PLPP1: variants seen among roughly 807,000 people sequenced by gnomAD.
PLPP1 encodes lipid phosphate phosphohydrolase 1a.
A neutral mutation model predicts 31.2 loss-of-function variants in PLPP1; 24 were observed. That is an observed-to-expected ratio of 0.77 (90% CI 0.56 to 1.08). The LOEUF (loss-of-function observed/expected upper bound fraction) is 1.08, where lower values mean the gene tolerates loss of function less well. Ranked by LOEUF, PLPP1 falls within the 50% of genes least tolerant of loss-of-function variation. PLPP1 has a pLI of 0.00. For synonymous variants in PLPP1, 146 were observed against 126.3 expected (o/e 1.16, Z -1.05); for missense variants, 319 against 342.7 (o/e 0.93, Z 0.55).
At chr5:55,513,268 C>CTTTTATTTATTT (rs1554041704) in intron 1 of PLPP1, among the ~76,000 whole-genome samples, 1 of 117,552 alleles carries the variant, frequency 8.5e-6, no homozygotes, top group African/African-American at 3.1e-5. Context: ...ATAATGACTC[C>CTTTTATTTATTT]TTTTTTTTTA....
At chr5:55,533,634 T>C (rs1740763292) in intron 1 of PLPP1, among the ~76,000 whole-genome samples, 3 of 152,218 alleles carry the variant, frequency 2.0e-5, no homozygotes, top group Non-Finnish European at 4.4e-5. Flanking sequence ...CCAATACTAC[T>C]ACTATTCTGA....
chr5:55,473,421 T>C (rs1170321436), intron 2 of PLPP1, among the ~76,000 whole-genome samples: 1 of 152,198 alleles, frequency 6.6e-6, no homozygotes, highest in Admixed American at 6.6e-5. Flanking sequence ...CTCACAGTCT[T>C]ATAAAACAAA....
At chr5:55,454,015 A>G (rs922194960) in intron 3 of PLPP1, among the ~76,000 whole-genome samples, 13 of 152,148 alleles carry the variant, frequency 8.5e-5, no homozygotes, top group Non-Finnish European at 1.8e-4. Flanking sequence ...ACCACAAACC[A>G]TAAGAAGAAA....
chr5:55,515,877 G>A (rs1457405537), intron 1 of PLPP1, among the ~76,000 whole-genome samples: 1 of 151,984 alleles, frequency 6.6e-6, no homozygotes, highest in Admixed American at 6.6e-5. Context: ...ATATGCCAAC[G>A]ATTCTCAAAA....
At chr5:55,488,217 A>G (rs1342743745) in intron 1 of PLPP1, among the ~76,000 whole-genome samples, 1 of 152,162 alleles carries the variant, frequency 6.6e-6, no homozygotes, top group Non-Finnish European at 1.5e-5. Context: ...TTAAAAAAAA[A>G]AAAATTTAGC....
intron 4 of PLPP1, among the ~76,000 whole-genome samples, chr5:55,437,948 T>C (rs933062862): frequency 6.6e-6 from 1 of 152,176 alleles, no homozygotes; most frequent in Non-Finnish European, 1.5e-5. Context: ...GGAAAGTGGA[T>C]AGTATGAAAG....
At chr5:55,530,314 A>T in intron 1 of PLPP1, 1 of 1,474,200 alleles carries the variant, frequency 6.8e-7, no homozygotes, top group Non-Finnish European at 9.5e-7. Flanking sequence ...CAAGGAAGAG[A>T]TACACAAATA....
At chr5:55,532,405 A>C (rs949519007) in intron 1 of PLPP1, among the ~76,000 whole-genome samples, 7 of 152,218 alleles carry the variant, frequency 4.6e-5, no homozygotes, top group African/African-American at 1.7e-4. Context: ...GATGATATGT[A>C]ATTCTGATAG....
intron 1 of PLPP1, chr5:55,530,312 A>G: frequency 6.8e-7 from 1 of 1,478,966 alleles, no homozygotes; most frequent in Non-Finnish European, 9.4e-7. Context: ...CCCAAGGAAG[A>G]GATACACAAA....
intron 4 of PLPP1, among the ~76,000 whole-genome samples, chr5:55,430,152 G>A (rs1430262349): frequency 1.3e-5 from 2 of 152,096 alleles, no homozygotes; most frequent in Non-Finnish European, 2.9e-5. Context: ...CACCACCAGC[G>A]CAAACCACTT....
chr5:55,499,007 A>C (rs1400866370), intron 1 of PLPP1, among the ~76,000 whole-genome samples: 1 of 152,212 alleles, frequency 6.6e-6, no homozygotes, highest in Non-Finnish European at 1.5e-5. Context: ...ATGAGAAAAG[A>C]AGTTGAGGCC....
At chr5:55,445,898 CT>C (rs1008484255) in intron 3 of PLPP1, among the ~76,000 whole-genome samples, 4 of 152,032 alleles carry the variant, frequency 2.6e-5, no homozygotes, top group African/African-American at 9.7e-5. Context: ...AAATTGATGA[CT>C]TTTTTTCTCA....
chr5:55,522,079 A>G lies in PLPP1; in HGVS notation c.58+12493T>C, dbSNP rs903625332. Among the ~76,000 whole-genome samples the G allele has an allele frequency of 3.3e-5, 5 of 152,158 alleles. No homozygotes were observed. In the South Asian group the frequency reaches 1.0e-3, roughly 32 times the overall value. On this transcript the variant is annotated intron_variant, in intron 1 of 5. Transcript: ENST00000307259. The stretch of plus-strand genomic sequence containing the variant: ...TTTTCCTGGACACCCCACCCTGAAA[A>G]AGACTCAGGAAACATTTCCAAGCAG...
chr5:55,525,649 T>G (rs1740406240), intron 1 of PLPP1, among the ~76,000 whole-genome samples: 1 of 152,104 alleles, frequency 6.6e-6, no homozygotes, highest in Non-Finnish European at 1.5e-5. Context: ...AATTTTAGAC[T>G]AGTTTCAGTT....
Position 55,534,590 on chromosome 5 carries a change from C to T in PLPP1, c.40G>A (p.Val14Met). Residue 14 changes from valine to methionine, a missense_variant, in exon 1 of 6, where the codon GTG (valine) becomes ATG (methionine). Val to Met is a conservative substitution (Grantham distance 21). Coordinates refer to ENST00000307259, the MANE Select transcript of PLPP1 (RefSeq NM_003711.4). The part of the protein sequence containing the change: ...KTRLPYVALD[V>M]LCVLLAGLPF... ...TACGTACCCAGCAACACGCAGAGCA[C>T]ATCGAGGGCCACGTACGGCAGCCGC... 1 of 1,557,616 alleles carries T rather than the reference C, an allele frequency of 6.4e-7. No homozygotes were observed. The highest frequency in any genetic ancestry group is 8.7e-7 in the Non-Finnish European group (1 of 1,153,806).
At chr5:55,493,467 G>C (rs1294744524) in intron 1 of PLPP1, among the ~76,000 whole-genome samples, 10 of 152,140 alleles carry the variant, frequency 6.6e-5, no homozygotes, top group Non-Finnish European at 1.5e-4. Flanking sequence ...TAGGACTCAG[G>C]CATGGTGACT....
At chr5:55,426,475 C>G (rs1480117756) in intron 4 of PLPP1, among the ~76,000 whole-genome samples, 3 of 151,444 alleles carry the variant, frequency 2.0e-5, no homozygotes, top group African/African-American at 7.3e-5. Context: ...TAGTCATACT[C>G]ACTGCAGCCT....
At position 55,425,012 on chromosome 5, in the gene PLPP1, A is replaced by ATGAG; in HGVS notation, c.*190_*193dup. On this transcript the variant is annotated 3_prime_UTR_variant, in exon 6 of 6. Transcript: ENST00000307259. ...TGGTGGAAGGCTTGGAGTTTTTTTA[A>ATGAG]TGAGTTTAGAGCTATTAGATAACCA... 1 of 779,804 alleles carries ATGAG rather than the reference A, an allele frequency of 1.3e-6. No homozygotes were observed. The highest frequency in any genetic ancestry group is 2.0e-6 in the Non-Finnish European group (1 of 499,094). 48.3% of individuals were successfully genotyped at this position (779,804 alleles called of 1,614,324 possible). A position where few individuals can be genotyped will look rare whatever the true frequency, so the allele number is the denominator to read the frequency against.
chr5:55,472,775 GGAAGAAGAA>G (rs1179017595), intron 2 of PLPP1, among the ~76,000 whole-genome samples: 1 of 40,550 alleles, frequency 2.5e-5, no homozygotes, highest in South Asian at 1.0e-3. Context: ...AAGAGGAAGA[GGAAGAAGAA>G]GAAGAAGAAA....
Sources: gnomAD v4.1 joint callset for allele counts (sites outside exome capture counted in the v4.1 genomes callset) on GRCh38, gnomAD v4.1.1 for gene constraint, MANE v1.5 for transcripts, NCBI Gene and HGNC (gene_info 2026-07-23, HGNC 2026-07-21) for gene names.